Variants in TSPAN7 observed in about 807,000 individuals in gnomAD.
TSPAN7 encodes the protein tetraspanin 7.
TSPAN7 carries 1 observed loss-of-function variant against 17.6 expected under a neutral mutation model. That is an observed-to-expected ratio of 0.06 (90% CI 0.02 to 0.27). The LOEUF (loss-of-function observed/expected upper bound fraction) is 0.27, where lower values mean the gene tolerates loss of function less well. TSPAN7 is among the 10% of genes least tolerant of loss of function. The probability of loss-of-function intolerance (pLI) is 1.00; values close to 1 mark genes in which losing one functional copy is unlikely to be tolerated. For missense variants in TSPAN7, 112 were observed against 201.7 expected, an observed-to-expected ratio of 0.56 and a Z score of 2.69; for synonymous variants, 78 against 79.0, an observed-to-expected ratio of 0.99 and a Z score of 0.07.
At chrX:38,603,876 T>TTTA (rs1259176612) in intron 1 of TSPAN7, among the ~76,000 whole-genome samples, 1 of 108,924 alleles carries the variant, frequency 9.2e-6, no homozygotes, top group Non-Finnish European at 1.9e-5. Flanking sequence ...TATTTTTTAT[T>TTTA]TTATTATTAT....
At chrX:38,648,415 G>C (rs1229730644) in intron 1 of TSPAN7, among the ~76,000 whole-genome samples, 5 of 111,731 alleles carry the variant, frequency 4.5e-5, no homozygotes, top group African/African-American at 1.6e-4. Flanking sequence ...GTCACTTTTA[G>C]GATTTCTATT....
At chrX:38,605,416 C>T (rs1285188675) in intron 1 of TSPAN7, among the ~76,000 whole-genome samples, 1 of 110,856 alleles carries the variant, frequency 9.0e-6, no homozygotes, top group Non-Finnish European at 1.9e-5. Context: ...AAAGAGGATA[C>T]AAACAAATGG....
chrX:38,665,276 G>C (rs1372984425), intron 1 of TSPAN7, among the ~76,000 whole-genome samples: 1 of 111,681 alleles, frequency 9.0e-6, no homozygotes, highest in African/African-American at 3.3e-5. Flanking sequence ...CAGTTACAAG[G>C]CTGTCAGTTT....
intron 1 of TSPAN7, among the ~76,000 whole-genome samples, chrX:38,585,342 T>C (rs143769601): frequency 0.017 from 1,851 of 111,784 alleles, 37 homozygotes; most frequent in African/African-American, 0.057. Flanking sequence ...TGCTTTCAAT[T>C]TGCATTCTCT....
At chrX:38,603,829 G>A (rs1014781825) in intron 1 of TSPAN7, among the ~76,000 whole-genome samples, 1 of 108,081 alleles carries the variant, frequency 9.3e-6, no homozygotes, top group African/African-American at 3.4e-5. Flanking sequence ...TTATTTTTTT[G>A]TTGTTTTTCT....
intron 1 of TSPAN7, among the ~76,000 whole-genome samples, chrX:38,571,641 G>A (rs937785872): frequency 1.6e-4 from 18 of 110,938 alleles, no homozygotes; most frequent in Admixed American, 1.4e-3. Context: ...CTAAAGCAAT[G>A]TGTATCAGAA....
chrX:38,671,511 C>A (rs2069820709), intron 3 of TSPAN7, 61 bp downstream of exon 3: 1 of 1,069,379 alleles, frequency 9.4e-7, no homozygotes, highest in Admixed American at 2.2e-5. Context: ...ATTCTTGAAA[C>A]CTCTTGAAAT....
intron 1 of TSPAN7, among the ~76,000 whole-genome samples, chrX:38,575,215 G>T (rs183701938): frequency 9.0e-6 from 1 of 111,119 alleles, no homozygotes; most frequent in African/African-American, 3.3e-5. Flanking sequence ...CCTCAGATGA[G>T]ACTACAGCCC....
At chrX:38,673,364 C>CTTTTT (rs1173827469) in intron 3 of TSPAN7, among the ~76,000 whole-genome samples, 1 of 85,971 alleles carries the variant, frequency 1.2e-5, no homozygotes, top group Non-Finnish European at 2.3e-5. Flanking sequence ...GTTTTGTTAA[C>CTTTTT]TTTTTTTTTT....
intron 1 of TSPAN7, among the ~76,000 whole-genome samples, chrX:38,633,629 C>CT (rs1165810750): frequency 8.9e-6 from 1 of 112,258 alleles, no homozygotes; most frequent in African/African-American, 3.2e-5. Flanking sequence ...GACCTTCCAT[C>CT]TTTTTTTGTA....
intron 1 of TSPAN7, among the ~76,000 whole-genome samples, chrX:38,637,283 A>G (rs2069586011): frequency 8.9e-6 from 1 of 111,938 alleles, no homozygotes; most frequent in Non-Finnish European, 1.9e-5. Context: ...GTTCCCATGA[A>G]TACAGTTATT....
At chrX:38,571,667 A>C (rs1363570551) in intron 1 of TSPAN7, among the ~76,000 whole-genome samples, 1 of 111,066 alleles carries the variant, frequency 9.0e-6, no homozygotes, top group Admixed American at 9.6e-5. Flanking sequence ...AAGGACATTT[A>C]AAAACACAGA....
chrX:38,579,579 A>AAAT (rs774572914), intron 1 of TSPAN7, among the ~76,000 whole-genome samples: 7 of 111,076 alleles, frequency 6.3e-5, no homozygotes, highest in Non-Finnish European at 1.1e-4. Context: ...GTGTCTCAAA[A>AAAT]AATAATAATA....
intron 1 of TSPAN7, among the ~76,000 whole-genome samples, chrX:38,573,910 ATTAT>A (rs2064468540): frequency 9.0e-6 from 1 of 111,535 alleles, no homozygotes; most frequent in African/African-American, 3.3e-5. Flanking sequence ...TACCACCAAC[ATTAT>A]TTATCACTGT....
chrX:38,645,109 C>T (rs564734567), intron 1 of TSPAN7, among the ~76,000 whole-genome samples: 2 of 112,255 alleles, frequency 1.8e-5, no homozygotes, highest in East Asian at 5.6e-4. Flanking sequence ...AGTCACCCCA[C>T]CCATCTGCAC....
intron 5 of TSPAN7, 146 bp downstream of exon 5, chrX:38,676,006 A>G: frequency 1.5e-6 from 1 of 688,971 alleles, no homozygotes; most frequent in Non-Finnish European, 2.2e-6. Flanking sequence ...TGCCTGGGAG[A>G]GGCACTTGAG....
chrX:38,563,765 A>G (rs1000193440), intron 1 of TSPAN7, among the ~76,000 whole-genome samples: 1 of 111,596 alleles, frequency 9.0e-6, no homozygotes, highest in Non-Finnish European at 1.9e-5. Flanking sequence ...TTAAATGTTA[A>G]CCTGGAACAT....
intron 1 of TSPAN7, among the ~76,000 whole-genome samples, chrX:38,624,452 T>C (rs1271456591): frequency 8.9e-6 from 1 of 112,430 alleles, no homozygotes; most frequent in African/African-American, 3.2e-5. Flanking sequence ...ATTATTTATG[T>C]TAACAGTCGA....
intron 1 of TSPAN7, among the ~76,000 whole-genome samples, chrX:38,579,677 T>C (rs2069217267): frequency 9.0e-6 from 1 of 111,726 alleles, no homozygotes; most frequent in Non-Finnish European, 1.9e-5. Context: ...CTATTAGGCA[T>C]TTAAATTTTT....
Sources: allele counts gnomAD v4.1 joint callset (sites outside exome capture counted in the v4.1 genomes callset), GRCh38; gene constraint gnomAD v4.1.1; transcripts MANE v1.5; gene names NCBI Gene and HGNC (gene_info 2026-07-23, HGNC 2026-07-21).